RAB3B: variants seen among roughly 807,000 people sequenced by gnomAD.
The protein encoded by RAB3B is ras-related protein Rab-3B.
In RAB3B, 11 loss-of-function variants were observed where a neutral mutation model predicts 20.5. The observed-to-expected ratio is 0.54, with a 90% CI of 0.34 to 0.89. RAB3B has a LOEUF of 0.89. Among genes scored for constraint, RAB3B ranks in the 40% least tolerant of loss-of-function variants. The pLI, the probability that RAB3B is intolerant of heterozygous loss-of-function variation, is 0.02. For synonymous variants in RAB3B, 99 were observed against 106.3 expected, an observed-to-expected ratio of 0.93 and a Z score of 0.42; for missense variants, 225 against 280.9, an observed-to-expected ratio of 0.80 and a Z score of 1.42.
At chr1:51,929,324 C>T (rs181668444) in intron 4 of RAB3B, among the ~76,000 whole-genome samples, 108 of 151,406 alleles carry the variant, frequency 7.1e-4, no homozygotes, top group Middle Eastern at 3.4e-3. Flanking sequence ...CTAATACATT[C>T]TCTCCCTTTT....
chr1:51,986,132 T>C (rs1316918158), intron 1 of RAB3B, among the ~76,000 whole-genome samples: 1 of 147,660 alleles, frequency 6.8e-6, no homozygotes, highest in Non-Finnish European at 1.5e-5. Flanking sequence ...CATAGTGAGA[T>C]TCCATTTCTA....
At chr1:51,938,871 G>C (rs1162397485) in intron 2 of RAB3B, among the ~76,000 whole-genome samples, 1 of 151,974 alleles carries the variant, frequency 6.6e-6, no homozygotes, top group Admixed American at 6.6e-5. Context: ...ATGTTGCCCA[G>C]GCTGGTCTCA....
chr1:51,950,955 A>G (rs1471502622), intron 2 of RAB3B, among the ~76,000 whole-genome samples: 1 of 152,218 alleles, frequency 6.6e-6, no homozygotes, highest in Non-Finnish European at 1.5e-5. Flanking sequence ...GAGCAGTTCA[A>G]TAGAGCTTGG....
intron 2 of RAB3B, among the ~76,000 whole-genome samples, chr1:51,938,907 C>T (rs755338521): frequency 1.2e-4 from 19 of 152,194 alleles, no homozygotes; most frequent in Non-Finnish European, 2.5e-4. Flanking sequence ...GCAATCCACC[C>T]ACCTTAGCCT....
At chr1:51,990,179 C>T (rs1685204639) in intron 1 of RAB3B, among the ~76,000 whole-genome samples, 1 of 120,638 alleles carries the variant, frequency 8.3e-6, no homozygotes, top group African/African-American at 3.3e-5. Flanking sequence ...TGCCCGGTAC[C>T]ACCTTTCCGC....
At chr1:51,990,338 C>A (rs886603528) in intron 1 of RAB3B, among the ~76,000 whole-genome samples, 10 of 144,426 alleles carry the variant, frequency 6.9e-5, no homozygotes, top group African/African-American at 2.6e-4. Context: ...TGGAGCTCCC[C>A]CGGCTGCCCC....
rs1258924930 is a variant in RAB3B, at chr1:51,919,652, T to C, written c.*275A>G. ...GAAAAGAGACTGTTCTCTAAGTCCC[T>C]GTAGTGAATCCCCTTCGTAAAACAG... On this transcript the variant is annotated 3_prime_UTR_variant, in exon 5 of 5. Transcript: ENST00000371655. 1 of 340,460 alleles carries C rather than the reference T, an allele frequency of 2.9e-6. No homozygotes were observed. The highest frequency in any genetic ancestry group is 5.3e-6 in the Non-Finnish European group (1 of 187,294). 21.1% of individuals were successfully genotyped at this position (340,460 alleles called of 1,614,324 possible).
chr1:51,959,969 G>C (rs1684764433), intron 2 of RAB3B, among the ~76,000 whole-genome samples: 1 of 152,206 alleles, frequency 6.6e-6, no homozygotes, highest in African/African-American at 2.4e-5. Flanking sequence ...TGGACTGCCT[G>C]AAGGGTGAAG....
intron 2 of RAB3B, among the ~76,000 whole-genome samples, chr1:51,955,208 G>T (rs575481404): frequency 6.6e-6 from 1 of 152,116 alleles, no homozygotes; most frequent in African/African-American, 2.4e-5. Context: ...ATATTAAGGT[G>T]ATTTTTCTCC....
rs1448307863 is a variant in RAB3B at position 51,916,097 on chromosome 1, T to C, written c.*3830A>G. The C allele has an allele frequency of 6.6e-6, 1 of 152,268 alleles. No individual in the cohort carries two copies. The highest frequency in any genetic ancestry group is 1.5e-5 in the Non-Finnish European group (1 of 68,052). 9.4% of individuals were successfully genotyped at this position (152,268 alleles called of 1,614,324 possible). On this transcript the variant is annotated 3_prime_UTR_variant, in exon 5 of 5. Transcript: ENST00000371655. ...ACACAGCTTGAACCTTGGTGGCTAATTGCGCTATTACTGTGATTGATGAAC... is the reference window on the plus strand; with the variant it reads ...ACACAGCTTGAACCTTGGTGGCTAACTGCGCTATTACTGTGATTGATGAAC...
intron 4 of RAB3B, among the ~76,000 whole-genome samples, chr1:51,926,147 G>C (rs958061153): frequency 2.0e-5 from 3 of 152,230 alleles, no homozygotes; most frequent in African/African-American, 4.8e-5. Flanking sequence ...CAACAGGAGA[G>C]GGTGAAAAAT....
Position 51,918,524 on chromosome 1 carries a change from A to T in RAB3B, c.*1403T>A, listed in dbSNP as rs993284011. 1.3e-5 allele frequency: 2 copies of T among 152,278 alleles called. No individual in the cohort carries two copies. The highest frequency in any genetic ancestry group is 2.9e-5 in the Non-Finnish European group (2 of 68,080). The allele number at this position is 152,278 out of a possible 1,614,324, so 9.4% of individuals were successfully genotyped here. ...CTCTGACAGCAGAGCTGGTACCAAC[A>T]GGGAGGGAAGAAGAAGAAGAATTTC... is the stretch of plus-strand genomic sequence containing the variant. On this transcript the variant is annotated 3_prime_UTR_variant, in exon 5 of 5. Transcript: ENST00000371655.
At chr1:51,941,011 C>T (rs1684485913) in intron 2 of RAB3B, among the ~76,000 whole-genome samples, 1 of 151,956 alleles carries the variant, frequency 6.6e-6, no homozygotes, top group African/African-American at 2.4e-5. Context: ...CTATCATATG[C>T]TGAGGAGGAA....
At chr1:51,949,899 G>A (rs543882929) in intron 2 of RAB3B, among the ~76,000 whole-genome samples, 38 of 152,156 alleles carry the variant, frequency 2.5e-4, no homozygotes, top group Non-Finnish European at 4.4e-4. Context: ...CTAAGCTCTT[G>A]TCCCACATCC....
At chr1:51,954,878 G>C (rs1684686437) in intron 2 of RAB3B, among the ~76,000 whole-genome samples, 1 of 152,216 alleles carries the variant, frequency 6.6e-6, no homozygotes, top group Non-Finnish European at 1.5e-5. Context: ...GTAGACAGGA[G>C]AGGAAGTAGG....
chr1:51,961,266 CAG>C (rs1382952680), intron 2 of RAB3B, among the ~76,000 whole-genome samples: 1 of 152,044 alleles, frequency 6.6e-6, no homozygotes, highest in Non-Finnish European at 1.5e-5. Flanking sequence ...TGTAGTGGGA[CAG>C]AGAGAGAGGA....
intron 4 of RAB3B, among the ~76,000 whole-genome samples, chr1:51,928,885 C>T (rs1297979134): frequency 6.6e-6 from 1 of 152,178 alleles, no homozygotes; most frequent in African/African-American, 2.4e-5. Flanking sequence ...TTGTTCTCAC[C>T]TTAAGTGTTA....
intron 2 of RAB3B, among the ~76,000 whole-genome samples, chr1:51,967,521 C>CTTTTCTTTTTTTTTTTT (rs1684870734): frequency 2.7e-5 from 1 of 36,496 alleles, no homozygotes; most frequent in Non-Finnish European, 5.7e-5. Flanking sequence ...TTTTCTTTTT[C>CTTTTCTTTTTTTTTTTT]TTTTTTTTTT....
chr1:51,926,850 A>T (rs1684251623), intron 4 of RAB3B, among the ~76,000 whole-genome samples: 1 of 152,232 alleles, frequency 6.6e-6, no homozygotes, highest in African/African-American at 2.4e-5. Flanking sequence ...AGTGTGGCAC[A>T]GCTCATTGTG....
Sources: gnomAD v4.1 joint callset for allele counts (sites outside exome capture counted in the v4.1 genomes callset) on GRCh38, gnomAD v4.1.1 for gene constraint, MANE v1.5 for transcripts, NCBI Gene and HGNC (gene_info 2026-07-23, HGNC 2026-07-21) for gene names.